The following SEMA3A variants were observed in gnomAD, a reference collection of about 807,000 sequenced individuals.
The protein encoded by SEMA3A is semaphorin-3A.
SEMA3A carries 29 observed loss-of-function variants against 97.9 expected under a neutral mutation model. The ratio of observed to expected loss-of-function variants is 0.30; its 90% confidence interval spans 0.22 to 0.40. The LOEUF (loss-of-function observed/expected upper bound fraction) is 0.40, where lower values mean the gene tolerates loss of function less well. SEMA3A is among the 10% of genes least tolerant of loss of function. The pLI is 1.00. For missense variants in SEMA3A, 763 were observed against 951.3 expected (o/e 0.80, Z 2.60); for synonymous variants, 321 against 323.7 (o/e 0.99, Z 0.09).
intron 3 of SEMA3A, among the ~76,000 whole-genome samples, chr7:84,255,675 T>C (rs1799702379): frequency 6.6e-6 from 1 of 152,122 alleles, no homozygotes; most frequent in Admixed American, 6.6e-5. Flanking sequence ...TATGGTTTTA[T>C]GCTAAGGTCA....
At chr7:84,384,722 C>A (rs533698818) in intron 1 of SEMA3A, among the ~76,000 whole-genome samples, 1 of 152,128 alleles carries the variant, frequency 6.6e-6, no homozygotes, top group Non-Finnish European at 1.5e-5. Flanking sequence ...ATGGGCCAAA[C>A]TTTCCTCCCT....
intron 12 of SEMA3A, among the ~76,000 whole-genome samples, chr7:83,986,178 C>T (rs992494709): frequency 6.6e-6 from 1 of 152,128 alleles, no homozygotes; most frequent in Non-Finnish European, 1.5e-5. Flanking sequence ...CAGCCTCATT[C>T]CTAACAACAC....
intron 2 of SEMA3A, among the ~76,000 whole-genome samples, chr7:84,364,820 G>A (rs2116078457): frequency 6.7e-6 from 1 of 149,484 alleles, no homozygotes; most frequent in East Asian, 2.0e-4. Context: ...TAGAGAGACT[G>A]AGGAGTGAGA....
At chr7:84,054,521 C>T in intron 5 of SEMA3A, among the ~76,000 whole-genome samples, 2 of 152,016 alleles carry the variant, frequency 1.3e-5, no homozygotes, top group East Asian at 3.9e-4. Context: ...CTGCATTCTT[C>T]ATGTAGTTCT....
chr7:84,398,195 T>G (rs542156075), intron 1 of SEMA3A, among the ~76,000 whole-genome samples: 9 of 152,306 alleles, frequency 5.9e-5, no homozygotes, highest in Non-Finnish European at 1.2e-4. Flanking sequence ...ACAGGTCTTT[T>G]AAGACACCAG....
intron 9 of SEMA3A, among the ~76,000 whole-genome samples, chr7:84,010,687 A>G (rs1790842849): frequency 6.6e-6 from 1 of 152,020 alleles, no homozygotes; most frequent in South Asian, 2.1e-4. Context: ...TATCCCTACA[A>G]ACTCTTCCCA....
At chr7:84,269,347 G>C (rs1800089206) in intron 3 of SEMA3A, among the ~76,000 whole-genome samples, 1 of 152,026 alleles carries the variant, frequency 6.6e-6, no homozygotes, top group South Asian at 2.1e-4. Flanking sequence ...CTTATTCTTA[G>C]ACACACTACC....
intron 1 of SEMA3A, among the ~76,000 whole-genome samples, chr7:84,159,895 CT>C (rs1796972368): frequency 6.6e-6 from 1 of 151,982 alleles, no homozygotes; most frequent in South Asian, 2.1e-4. Flanking sequence ...GTGCATTTTG[CT>C]GTTAAAAAGC....
At chr7:84,286,811 A>T (rs149043757) in intron 3 of SEMA3A, among the ~76,000 whole-genome samples, 1 of 152,254 alleles carries the variant, frequency 6.6e-6, no homozygotes, top group African/African-American at 2.4e-5. Context: ...TTGATGTTTC[A>T]ACTTTTTAAT....
intron 1 of SEMA3A, among the ~76,000 whole-genome samples, chr7:84,473,168 G>A (rs1052381566): frequency 1.3e-5 from 2 of 151,434 alleles, no homozygotes; most frequent in Non-Finnish European, 2.9e-5. Context: ...GTGTGTGTGT[G>A]TGTGTGAAAC....
In SEMA3A at chr7:84,401,145, T is replaced by C. The variant is rs187311588; in HGVS notation, c.-245-29245A>G. On this transcript the variant is annotated intron_variant, in intron 1 of 3. Transcript: ENST00000424555. ...TAAGATTTCTGCAAAAAGACTGTTA[T>C]GGCTGATAAATTCAGTAAGATTGCG... Among the ~76,000 whole-genome samples the C allele has an allele frequency of 7.0e-4, 107 of 152,276 alleles. 1 individual carries two copies. Among genetic ancestry groups the C allele is most frequent in the African/African-American group, 2.4e-3 (98 of 41,572 alleles).
intron 1 of SEMA3A, among the ~76,000 whole-genome samples, chr7:84,476,598 G>A (rs1228974): frequency 0.46 from 69,610 of 151,820 alleles, 17,695 homozygotes; most frequent in East Asian, 0.78. Context: ...TCTATCATTT[G>A]TAAATACTGA....
intron 6 of SEMA3A, among the ~76,000 whole-genome samples, chr7:84,030,815 A>T (rs540671251): frequency 6.6e-6 from 1 of 152,244 alleles, no homozygotes; most frequent in South Asian, 2.1e-4. Context: ...TCAGAAAAAC[A>T]ATGATTTTAT....
At chr7:84,347,865 A>G (rs902307607) in intron 2 of SEMA3A, among the ~76,000 whole-genome samples, 7 of 152,222 alleles carry the variant, frequency 4.6e-5, no homozygotes, top group Non-Finnish European at 8.8e-5. Context: ...AAGCGACTGC[A>G]AAAGGTATAA....
intron 4 of SEMA3A, among the ~76,000 whole-genome samples, chr7:84,102,537 G>A (rs989809394): frequency 6.6e-6 from 1 of 151,386 alleles, no homozygotes; most frequent in African/African-American, 2.4e-5. Flanking sequence ...TAAAATTAGG[G>A]CAAGGAGAGT....
chr7:84,170,630 TA>T (rs1797357178), intron 1 of SEMA3A, among the ~76,000 whole-genome samples: 1 of 152,118 alleles, frequency 6.6e-6, no homozygotes, highest in Middle Eastern at 3.4e-3. Flanking sequence ...ATAAAGTAAT[TA>T]ACTTGTTTTA....
chr7:84,235,014 A>G (rs904963509), intron 3 of SEMA3A, among the ~76,000 whole-genome samples: 1 of 152,072 alleles, frequency 6.6e-6, no homozygotes, highest in Admixed American at 6.6e-5. Flanking sequence ...TTTTACATCA[A>G]CTTGTCTAGA....
chr7:84,177,600 GA>G (rs1291960207), intron 1 of SEMA3A, among the ~76,000 whole-genome samples: 1 of 151,766 alleles, frequency 6.6e-6, no homozygotes, highest in African/African-American at 2.4e-5. Context: ...AGTATATTGA[GA>G]AAAAAACCCT....
intron 1 of SEMA3A, among the ~76,000 whole-genome samples, chr7:84,449,725 G>A (rs2116362096): frequency 6.6e-6 from 1 of 151,910 alleles, no homozygotes; most frequent in South Asian, 2.1e-4. Flanking sequence ...TCATTAAATA[G>A]CAACTCCCCA....
Sources: gnomAD v4.1 joint callset for allele counts (sites outside exome capture counted in the v4.1 genomes callset) on GRCh38, gnomAD v4.1.1 for gene constraint, MANE v1.5 for transcripts, NCBI Gene and HGNC (gene_info 2026-07-23, HGNC 2026-07-21) for gene names.